Variants in PUM1 observed in about 807,000 individuals in gnomAD.
PUM1 encodes pumilio homolog 1.
PUM1 carries 13 observed loss-of-function variants against 131.8 expected under a neutral mutation model. The ratio of observed to expected loss-of-function variants is 0.10; its 90% CI spans 0.06 to 0.16. PUM1 has a LOEUF of 0.16. Among genes scored for constraint, PUM1 ranks in the 10% least tolerant of loss-of-function variants. The pLI is 1.00. For synonymous variants in PUM1, 509 were observed against 556.5 expected (o/e 0.91, Z 1.20); for missense variants, 961 against 1,512.4 (o/e 0.64, Z 6.05).
chr1:30,969,323 A>G (rs1640768694), intron 10 of PUM1, among the ~76,000 whole-genome samples: 1 of 146,152 alleles, frequency 6.8e-6, no homozygotes, highest in African/African-American at 2.5e-5. Flanking sequence ...ACACAAAAAA[A>G]AAAAAAAAAA....
chr1:30,945,572 C>G, intron 17 of PUM1, 89 bp from the exon 18 acceptor site: 2 of 1,379,070 alleles, frequency 1.5e-6, no homozygotes, highest in Non-Finnish European at 2.0e-6. Context: ...GAAAGCACTA[C>G]TGAACAGAGA....
At chr1:30,979,780 C>T (rs1349399432) in intron 9 of PUM1, among the ~76,000 whole-genome samples, 1 of 152,008 alleles carries the variant, frequency 6.6e-6, no homozygotes, top group Non-Finnish European at 1.5e-5. Context: ...GAGATCTGGG[C>T]AAGGGGGGAA....
intron 7 of PUM1, among the ~76,000 whole-genome samples, chr1:30,984,680 A>C (rs945143580): frequency 6.6e-6 from 1 of 152,212 alleles, no homozygotes; most frequent in Non-Finnish European, 1.5e-5. Context: ...TTTCTCTGTC[A>C]CTTACTATAT....
chr1:31,001,371 CA>C (rs11341741), intron 5 of PUM1, among the ~76,000 whole-genome samples: 41,742 of 144,006 alleles, frequency 0.29, 7,352 homozygotes, highest in East Asian at 0.53. Flanking sequence ...GAGATTGTCT[CA>C]AAAAAAAAAA....
intron 2 of PUM1, among the ~76,000 whole-genome samples, chr1:31,054,328 A>G (rs1016059670): frequency 6.6e-6 from 1 of 151,976 alleles, no homozygotes; most frequent in African/African-American, 2.4e-5. Context: ...CCCTGTCTCA[A>G]TAAATAAAAA....
intron 8 of PUM1, 108 bp from the exon 9 acceptor site, chr1:30,980,271 T>C (rs1020586790): frequency 2.3e-6 from 2 of 866,480 alleles, no homozygotes; most frequent in African/African-American, 3.4e-5. Flanking sequence ...AAGGAAAAAA[T>C]GAAAAAAGAG....
Position 30,950,028 on chromosome 1 carries a change from C to T in PUM1, c.2856+99G>A, listed in dbSNP as rs1470770487. ...GGCAGCCATAAGCAACAATGCAAAA[C>T]CATAAAAGAAAACTGAAAATTGACA... On this transcript the variant is annotated intron_variant, in intron 17 of 21. Transcript: ENST00000426105. 21 of 1,388,898 alleles carry T rather than the reference C, an allele frequency of 1.5e-5. No homozygotes were observed. In the East Asian group the frequency reaches 4.8e-4, roughly 32 times the overall value. 86.0% of individuals were successfully genotyped at this position (1,388,898 alleles called of 1,614,324 possible).
chr1:30,975,714 T>C (rs558044252), intron 9 of PUM1, among the ~76,000 whole-genome samples: 4 of 152,024 alleles, frequency 2.6e-5, no homozygotes, highest in South Asian at 4.2e-4. Flanking sequence ...GACACTGATA[T>C]GTGAAATTTT....
intron 10 of PUM1, among the ~76,000 whole-genome samples, chr1:30,971,716 T>C (rs935935084): frequency 6.6e-6 from 1 of 152,176 alleles, no homozygotes; most frequent in African/African-American, 2.4e-5. Flanking sequence ...GAAATTCTAT[T>C]TCATAAAACA....
At chr1:31,016,039 T>C (rs1642806618) in intron 3 of PUM1, among the ~76,000 whole-genome samples, 1 of 152,190 alleles carries the variant, frequency 6.6e-6, no homozygotes, top group Non-Finnish European at 1.5e-5. Context: ...ATGTCCTAAA[T>C]TTCAAATATT....
intron 7 of PUM1, among the ~76,000 whole-genome samples, chr1:30,981,680 TCA>T (rs5773330): frequency 0.68 from 102,346 of 150,864 alleles, 35,814 homozygotes; most frequent in East Asian, 0.85. Flanking sequence ...ACACACTCTC[TCA>T]CACACACACA....
chr1:30,946,480 T>C (rs1181405271), intron 17 of PUM1, among the ~76,000 whole-genome samples: 1 of 151,264 alleles, frequency 6.6e-6, no homozygotes, highest in African/African-American at 2.4e-5. Context: ...CTACTAAAAA[T>C]ACAAAAATTA....
chr1:30,962,925 T>C (rs76691366), intron 14 of PUM1, among the ~76,000 whole-genome samples: 11,461 of 152,224 alleles, frequency 0.075, 604 homozygotes, highest in Non-Finnish European at 0.12. Flanking sequence ...TGGGATGACA[T>C]AGTTCACATG....
At chr1:31,038,976 A>ATTTT (rs1276496237) in intron 2 of PUM1, among the ~76,000 whole-genome samples, 5 of 30,886 alleles carry the variant, frequency 1.6e-4, no homozygotes, top group African/African-American at 1.4e-3. Context: ...ATATATATAT[A>ATTTT]TATATATATT....
At position 30,945,470 on chromosome 1, in the gene PUM1, C is replaced by T. The variant is rs1418099139; in HGVS notation, c.2870G>A (p.Arg957Gln). ...CTTCAAGACATGGCCATCTAGTTCC[C>T]GAACCATCTCATTCTAATGGAGACA... ...SDQQVINEMV[R>Q]ELDGHVLKCV... Residue 957 changes from arginine (R) to glutamine (Q), a missense_variant, in exon 18 of 22, where the codon CGG becomes CAG. Arg to Gln is a conservative substitution (Grantham distance 43, BLOSUM62 1). Coordinates refer to ENST00000426105, the MANE Select transcript of PUM1 (RefSeq NM_001020658.2). The T allele has an allele frequency of 6.2e-7, 1 of 1,614,108 alleles. No homozygotes were observed. Among genetic ancestry groups the T allele is most frequent in the Non-Finnish European group, 8.5e-7 (1 of 1,180,020 alleles).
At chr1:30,991,894 A>G (rs1205237172) in intron 7 of PUM1, among the ~76,000 whole-genome samples, 1 of 152,202 alleles carries the variant, frequency 6.6e-6, no homozygotes, top group Non-Finnish European at 1.5e-5. Context: ...GTTTCCTCTG[A>G]TCGCATTCTA....
chr1:31,027,758 G>A (rs184819750), intron 3 of PUM1, among the ~76,000 whole-genome samples: 81 of 152,298 alleles, frequency 5.3e-4, no homozygotes, highest in Admixed American at 1.7e-3. Flanking sequence ...AAACTCAGAA[G>A]AGTAATTATC....
At chr1:30,939,809 G>C (rs180851157) in intron 20 of PUM1, among the ~76,000 whole-genome samples, 2 of 152,096 alleles carry the variant, frequency 1.3e-5, no homozygotes, top group South Asian at 2.1e-4. Flanking sequence ...AGTGAGCTAG[G>C]AGTGCACCAC....
chr1:30,967,830 C>A (rs1349907054), intron 11 of PUM1, among the ~76,000 whole-genome samples: 2 of 152,198 alleles, frequency 1.3e-5, no homozygotes, highest in African/African-American at 4.8e-5. Context: ...TAATCCCATG[C>A]AAAGCACCAA....
Sources: gnomAD v4.1 joint callset for allele counts (sites outside exome capture counted in the v4.1 genomes callset) on GRCh38, gnomAD v4.1.1 for gene constraint, MANE v1.5 for transcripts, NCBI Gene and HGNC (gene_info 2026-07-23, HGNC 2026-07-21) for gene names.